The following PSMD1 variants were observed in gnomAD, a reference collection of about 807,000 sequenced individuals.
The protein encoded by PSMD1 is 26S proteasome non-ATPase regulatory subunit 1.
PSMD1 carries 18 observed loss-of-function variants against 119.0 expected under a neutral mutation model. That is an observed-to-expected ratio of 0.15 (90% CI 0.10 to 0.22). The LOEUF (loss-of-function observed/expected upper bound fraction) is 0.22. PSMD1 is among the 10% of genes least tolerant of loss of function. The pLI is 1.00. For missense variants in PSMD1, 702 were observed against 1,158.5 expected (o/e 0.61, Z 5.72); for synonymous variants, 374 against 396.6 (o/e 0.94, Z 0.68).
chr2:231,161,599 T>C (rs1282116288), intron 20 of PSMD1, 90 bp downstream of exon 20: 3 of 1,325,292 alleles, frequency 2.3e-6, no homozygotes, highest in Non-Finnish European at 3.1e-6. Context: ...TTCCATTAAA[T>C]TTTAAAGATG....
At chr2:231,069,897 G>T in intron 5 of PSMD1, 128 bp from the exon 6 acceptor site, 2 of 648,552 alleles carry the variant, frequency 3.1e-6, no homozygotes, top group Non-Finnish European at 4.5e-6. Flanking sequence ...AGTTTGTATT[G>T]CTTAAGAGGT....
intron 16 of PSMD1, chr2:231,109,190 C>T (rs148453128): frequency 3.7e-6 from 6 of 1,614,106 alleles, no homozygotes; most frequent in East Asian, 4.5e-5. Flanking sequence ...CCATGTTAGG[C>T]GTTGAGGTGG....
intron 16 of PSMD1, chr2:231,113,650 C>T (rs956321172): frequency 4.7e-6 from 6 of 1,270,490 alleles, no homozygotes; most frequent in Admixed American, 3.4e-5. Flanking sequence ...GTTTCATTGC[C>T]TACCAGACCT....
At chr2:231,164,341 C>G (rs1407020708) in intron 21 of PSMD1, among the ~76,000 whole-genome samples, 1 of 152,110 alleles carries the variant, frequency 6.6e-6, no homozygotes, top group Admixed American at 6.6e-5. Flanking sequence ...GACATAATCA[C>G]TTTATACTCC....
At chr2:231,149,332 T>C (rs1207655905) in intron 18 of PSMD1, among the ~76,000 whole-genome samples, 1 of 152,214 alleles carries the variant, frequency 6.6e-6, no homozygotes, top group Non-Finnish European at 1.5e-5. Context: ...AACTCTCCTC[T>C]TTATTAAATT....
At chr2:231,121,843 A>G (rs760145846) in intron 16 of PSMD1, among the ~76,000 whole-genome samples, 10 of 152,182 alleles carry the variant, frequency 6.6e-5, no homozygotes, top group African/African-American at 9.6e-5. Context: ...ATTAAATTTT[A>G]TGGTAGTCTG....
At chr2:231,136,464 T>C (rs1231451321) in intron 16 of PSMD1, among the ~76,000 whole-genome samples, 1 of 152,270 alleles carries the variant, frequency 6.6e-6, no homozygotes, top group Non-Finnish European at 1.5e-5. Flanking sequence ...AATTTTATTT[T>C]ATTGGTTTGA....
intron 24 of PSMD1, among the ~76,000 whole-genome samples, chr2:231,172,173 G>A (rs1044060836): frequency 6.6e-6 from 1 of 152,188 alleles, no homozygotes; most frequent in Admixed American, 6.5e-5. Context: ...TACAGCGTAG[G>A]CTATCATGAT....
rs1160646761 is a variant in PSMD1, at chr2:231,109,262, A to G, written c.1883+22081A>G. The G allele has an allele frequency of 6.8e-6, 11 of 1,614,068 alleles. No homozygotes were observed. Among genetic ancestry groups the G allele is most frequent in the Non-Finnish European group, 9.3e-6 (11 of 1,180,032 alleles). On this transcript the variant is annotated intron_variant, in intron 16 of 24. Coordinates refer to ENST00000308696, the MANE Select transcript of PSMD1 (RefSeq NM_002807.4). ...ATGGATAGTGAGAAAGTAGGTGACA[A>G]TCATAATTGCAAGAGGTGTGAAGAA... is the stretch of plus-strand genomic sequence containing the variant.
At chr2:231,158,920 T>G (rs113206334) in intron 19 of PSMD1, among the ~76,000 whole-genome samples, 4 of 152,254 alleles carry the variant, frequency 2.6e-5, no homozygotes, top group African/African-American at 9.6e-5. Flanking sequence ...AAAAACAAGA[T>G]TAAAGTATAC....
chr2:231,152,010 C>T (rs904841001), intron 18 of PSMD1, among the ~76,000 whole-genome samples: 1 of 151,886 alleles, frequency 6.6e-6, no homozygotes, highest in African/African-American at 2.4e-5. Context: ...GACAGGGCTT[C>T]GCCATATTGG....
intron 16 of PSMD1, among the ~76,000 whole-genome samples, chr2:231,093,353 G>A (rs762997082): frequency 5.3e-5 from 8 of 152,128 alleles, no homozygotes; most frequent in East Asian, 1.9e-4. Flanking sequence ...AGCAGGATTC[G>A]CTCAGCCTCC....
Position 231,153,593 on chromosome 2 carries a change from A to C in PSMD1, c.2145A>C (p.Lys715Asn). The C allele has an allele frequency of 6.2e-7, 1 of 1,613,722 alleles. No homozygotes were observed. The highest frequency in any genetic ancestry group is 8.5e-7 in the Non-Finnish European group (1 of 1,179,654). ...ATCAGTTCAGACAGCTGTATTCCAA[A>C]GTCATCAATGATAAGCATGATGATG... Reference protein sequence around the residue: ...KVNQFRQLYSKVINDKHDDVM... With the variant: ...KVNQFRQLYSNVINDKHDDVM... Residue 715 changes from lysine to asparagine, a missense_variant, in exon 19 of 25, where the codon AAA (lysine) becomes AAC (asparagine). This residue lies in a region of PSMD1 where 272 missense variants were observed against 511.6 expected (regional missense o/e 0.53). Transcript: ENST00000308696.
At chr2:231,104,223 A>G (rs187300647) in intron 16 of PSMD1, among the ~76,000 whole-genome samples, 1 of 152,180 alleles carries the variant, frequency 6.6e-6, no homozygotes, top group African/African-American at 2.4e-5. Flanking sequence ...TTCCATTTTT[A>G]ATCTGATGGT....
chr2:231,058,501 G>A (rs1693667535), intron 1 of PSMD1, among the ~76,000 whole-genome samples: 1 of 150,856 alleles, frequency 6.6e-6, no homozygotes, highest in South Asian at 2.1e-4. Context: ...GTCGGACATC[G>A]TGAAAATTAT....
At chr2:231,129,858 G>A (rs757587809) in intron 16 of PSMD1, among the ~76,000 whole-genome samples, 38 of 151,622 alleles carry the variant, frequency 2.5e-4, no homozygotes, top group Non-Finnish European at 4.1e-4. Context: ...TAATGGCACT[G>A]TTTGTTTGTT....
At chr2:231,168,754 T>C (rs1375735157) in intron 23 of PSMD1, among the ~76,000 whole-genome samples, 1 of 152,250 alleles carries the variant, frequency 6.6e-6, no homozygotes. Flanking sequence ...TTTGTGAATG[T>C]ACTAAATTGT....
At chr2:231,123,504 A>C (rs757363017) in intron 16 of PSMD1, 1 of 1,613,970 alleles carries the variant, frequency 6.2e-7, no homozygotes, top group Non-Finnish European at 8.5e-7. Context: ...AATTAGTAGC[A>C]TACTGCAGCT....
intron 16 of PSMD1, among the ~76,000 whole-genome samples, chr2:231,101,810 A>G (rs1432873342): frequency 5.3e-5 from 8 of 152,104 alleles, no homozygotes. Context: ...TTTTAGCTAT[A>G]AAGGTTGTTG....
Sources: gnomAD v4.1 joint callset for allele counts (sites outside exome capture counted in the v4.1 genomes callset) on GRCh38, gnomAD v4.1.1 for gene constraint, gnomAD v4.1.1 regional missense constraint, MANE v1.5 for transcripts, NCBI Gene and HGNC (gene_info 2026-07-23, HGNC 2026-07-21) for gene names.